Variants in DNAH7 observed in about 807,000 individuals in gnomAD.
DNAH7 encodes dynein axonemal heavy chain 7.
DNAH7 carries 397 observed loss-of-function variants against 444.6 expected under a neutral mutation model. The ratio of observed to expected loss-of-function variants is 0.89; its 90% CI spans 0.82 to 0.97. The LOEUF (loss-of-function observed/expected upper bound fraction) is 0.97, where lower values mean the gene tolerates loss of function less well. DNAH7 is among the 50% of genes least tolerant of loss of function. The pLI, the probability that DNAH7 is intolerant of heterozygous loss-of-function variation, is 0.00. For missense variants in DNAH7, 4,902 were observed against 4,800.8 expected, an observed-to-expected ratio of 1.02 and a Z score of -0.62; for synonymous variants, 1,636 against 1,624.4, an observed-to-expected ratio of 1.01 and a Z score of -0.17.
chr2:195,783,606 TTTAAC>T (rs1490257798), intron 58 of DNAH7, among the ~76,000 whole-genome samples: 5 of 152,204 alleles, frequency 3.3e-5, no homozygotes, highest in Non-Finnish European at 7.3e-5. Context: ...ATGACCACAT[TTTAAC>T]TTAACTAGTT....
chr2:195,858,463 G>T lies in DNAH7; in HGVS notation c.8067+11C>A. On this transcript the variant is annotated intron_variant, in intron 43 of 64. Coordinates refer to ENST00000312428, the MANE Select transcript of DNAH7 (RefSeq NM_018897.3). Reference sequence around the variant, plus strand: ...ACATGTGTCCTAGAAAGTGTATGGCGAAGCTCTTACCTGTGCAGTAAGAGT... The same window carrying T: ...ACATGTGTCCTAGAAAGTGTATGGCTAAGCTCTTACCTGTGCAGTAAGAGT... 6.4e-7 allele frequency: 1 copy of T among 1,564,812 alleles called. No homozygotes were observed.
intron 63 of DNAH7, among the ~76,000 whole-genome samples, chr2:195,747,846 A>C (rs2105893964): frequency 6.6e-6 from 1 of 152,328 alleles, no homozygotes; most frequent in East Asian, 1.9e-4. Flanking sequence ...CAAAATAATA[A>C]GAGCTATCTA....
rs1203527950 is a variant in DNAH7, at chr2:195,990,783, G to GTGTC, written c.1354-2555_1354-2554insGACA. Among the ~76,000 whole-genome samples the GTGTC allele has an allele frequency of 4.2e-5, 6 of 141,182 alleles. No homozygotes were observed. The South Asian group carries it at 8.9e-4, about 21-fold the overall frequency. 92.6% of individuals were successfully genotyped at this position (141,182 alleles called of 152,430 possible). ...AGGTTACTATAGCTTTGTTGTGTGT[G>GTGTC]TGTGTGTGTGTGTGTGTGTGTGTGT... On this transcript the variant is annotated intron_variant, in intron 12 of 64. Transcript: ENST00000312428.
chr2:195,963,404 GTCT>G (rs1192402884), intron 17 of DNAH7, among the ~76,000 whole-genome samples: 1 of 152,128 alleles, frequency 6.6e-6, no homozygotes, highest in East Asian at 1.9e-4. Flanking sequence ...CCATTTGTAT[GTCT>G]TCTTTTGTGA....
At chr2:195,856,360 T>A (rs908721740) in intron 44 of DNAH7, among the ~76,000 whole-genome samples, 4 of 152,130 alleles carry the variant, frequency 2.6e-5, no homozygotes, top group African/African-American at 7.2e-5. Flanking sequence ...TCATTTTACT[T>A]AAAAAAATCC....
Position 195,796,740 on chromosome 2 carries a change from G to C in DNAH7, c.10354-3C>G, listed in dbSNP as rs778083599. ...CTAAGTTTTGATCCCCCATATCCCTGTGTACAAGAATAGTAGAGATGTTAT... is the reference window on the plus strand; with the variant it reads ...CTAAGTTTTGATCCCCCATATCCCTCTGTACAAGAATAGTAGAGATGTTAT... On this transcript the variant is annotated splice_region_variant and splice_polypyrimidine_tract_variant and intron_variant, in intron 55 of 64. Coordinates refer to ENST00000312428, the MANE Select transcript of DNAH7 (RefSeq NM_018897.3). 1.2e-6 allele frequency: 2 copies of C among 1,611,752 alleles called. No individual in the cohort carries two copies. The highest frequency in any genetic ancestry group is 1.7e-6 in the Non-Finnish European group (2 of 1,179,036).
chr2:195,872,307 C>T lies in DNAH7; in HGVS notation c.6576G>A (p.Leu2192=), dbSNP rs755849186. 1 of 1,613,836 alleles carries T rather than the reference C, an allele frequency of 6.2e-7. No homozygotes were observed. Among genetic ancestry groups the T allele is most frequent in the South Asian group, 1.1e-5 (1 of 91,060 alleles). Reference sequence around the variant, plus strand: ...TGGTTTCTGTTGTTTCTGGTCTTGACAAACAAACACCTTGAATGACACGGG... The same window carrying T: ...TGGTTTCTGTTGTTTCTGGTCTTGATAAACAAACACCTTGAATGACACGGG... The part of the protein sequence containing the change: ...DFSRVIQGVC[L]SRPETTETTE... Residue 2192 remains leucine (L), a synonymous_variant, in exon 40 of 65, where the codon TTG becomes TTA. Transcript: ENST00000312428.
intron 12 of DNAH7, chr2:195,995,659 G>T: frequency 4.4e-6 from 1 of 224,884 alleles, no homozygotes; most frequent in South Asian, 5.9e-5. Flanking sequence ...GCGGGCACCA[G>T]TGGGGGACTA....
At chr2:195,964,128 G>A (rs1691301142) in intron 17 of DNAH7, among the ~76,000 whole-genome samples, 1 of 152,122 alleles carries the variant, frequency 6.6e-6, no homozygotes, top group South Asian at 2.1e-4. Context: ...TAGAACTGTG[G>A]GGATGGGCAG....
intron 57 of DNAH7, among the ~76,000 whole-genome samples, chr2:195,789,465 G>C (rs1456556575): frequency 6.6e-6 from 1 of 152,182 alleles, no homozygotes; most frequent in African/African-American, 2.4e-5. Context: ...AGAATAACTG[G>C]ATCAGGTAAG....
chr2:195,783,259 TC>T (rs1695474047), intron 58 of DNAH7, among the ~76,000 whole-genome samples: 1 of 152,250 alleles, frequency 6.6e-6, no homozygotes, highest in Non-Finnish European at 1.5e-5. Flanking sequence ...TAGACTCTTA[TC>T]GTTATCTGCC....
chr2:195,846,367 G>A (rs1336287091), intron 46 of DNAH7, among the ~76,000 whole-genome samples: 1 of 152,126 alleles, frequency 6.6e-6, no homozygotes, highest in Non-Finnish European at 1.5e-5. Context: ...AACAGATGCT[G>A]GCGAGGTCAC....
intron 63 of DNAH7, among the ~76,000 whole-genome samples, chr2:195,751,346 G>A (rs942414995): frequency 6.6e-6 from 1 of 152,092 alleles, no homozygotes; most frequent in East Asian, 1.9e-4. Context: ...TCTTTAACAG[G>A]TTGGGTTCGA....
intron 15 of DNAH7, among the ~76,000 whole-genome samples, chr2:195,973,361 G>A (rs1432215673): frequency 2.0e-5 from 3 of 152,172 alleles, no homozygotes; most frequent in African/African-American, 4.8e-5. Flanking sequence ...GGTATTGGGC[G>A]CGTGGGAATG....
intron 42 of DNAH7, among the ~76,000 whole-genome samples, chr2:195,859,916 A>T (rs1055586315): frequency 2.0e-5 from 3 of 152,186 alleles, no homozygotes; most frequent in African/African-American, 4.8e-5. Context: ...CCTTCCAAGT[A>T]ACCTGAAAAC....
chr2:195,940,503 C>A (rs1448937794), intron 19 of DNAH7, among the ~76,000 whole-genome samples: 1 of 152,072 alleles, frequency 6.6e-6, no homozygotes, highest in Non-Finnish European at 1.5e-5. Flanking sequence ...AAAGCAATGG[C>A]AACACAAGCC....
At chr2:195,782,153 A>G (rs1194935662) in intron 58 of DNAH7, among the ~76,000 whole-genome samples, 1 of 152,202 alleles carries the variant, frequency 6.6e-6, no homozygotes, top group African/African-American at 2.4e-5. Context: ...CAGAAATTAT[A>G]TATGAAGAAT....
intron 43 of DNAH7, 100 bp from the exon 44 acceptor site, chr2:195,857,823 G>T: frequency 2.0e-6 from 2 of 1,024,664 alleles, no homozygotes; most frequent in Non-Finnish European, 2.7e-6. Flanking sequence ...AACTCACTGT[G>T]TTCACTGGGT....
At chr2:196,007,388 G>A (rs143938065) in intron 10 of DNAH7, among the ~76,000 whole-genome samples, 16 of 152,232 alleles carry the variant, frequency 1.1e-4, no homozygotes, top group African/African-American at 3.9e-4. Flanking sequence ...ATAAATTTGG[G>A]CTCCTACCTC....
Sources: gnomAD v4.1 joint callset for allele counts (sites outside exome capture counted in the v4.1 genomes callset) on GRCh38, gnomAD v4.1.1 for gene constraint, MANE v1.5 for transcripts, NCBI Gene and HGNC (gene_info 2026-07-23, HGNC 2026-07-21) for gene names.